ZFHX3: variants seen among roughly 807,000 people sequenced by gnomAD.
ZFHX3 encodes zinc finger homeobox 3, also known as zinc finger homeobox protein 3.
Under a neutral mutation model 279.1 loss-of-function variants are expected in ZFHX3, and 42 were observed. The ratio of observed to expected loss-of-function variants is 0.15; its 90% CI spans 0.12 to 0.19. The LOEUF (loss-of-function observed/expected upper bound fraction) is 0.19. Among genes scored for constraint, ZFHX3 ranks in the 10% least tolerant of loss-of-function variants. The probability of loss-of-function intolerance (pLI) is 1.00; values close to 1 mark genes in which losing one functional copy is unlikely to be tolerated. For synonymous variants in ZFHX3, 2,293 were observed against 1,957.8 expected, an observed-to-expected ratio of 1.17 and a Z score of -4.52; for missense variants, 4,981 against 4,754.0, an observed-to-expected ratio of 1.05 and a Z score of -1.40.
At chr16:73,232,632 CTT>C (rs2012812777) in intron 5 of ZFHX3, 1 of 152,164 alleles carries the variant, frequency 6.6e-6, no homozygotes, top group African/African-American at 2.4e-5. Flanking sequence ...ACGCAATGGA[CTT>C]TGCTCTGGGA....
At chr16:73,388,116 A>G (rs1302471547) in intron 3 of ZFHX3, among the ~76,000 whole-genome samples, 1 of 152,114 alleles carries the variant, frequency 6.6e-6, no homozygotes, top group African/African-American at 2.4e-5. Context: ...TTGAGAAGCA[A>G]TGCGGCAGGC....
intron 8 of ZFHX3, among the ~76,000 whole-genome samples, chr16:73,072,954 T>A (rs1389644958): frequency 6.6e-6 from 1 of 152,106 alleles, no homozygotes; most frequent in African/African-American, 2.4e-5. Flanking sequence ...TGGAGTGCAT[T>A]GGCACAATCT....
chr16:73,118,794 A>C (rs567571039), intron 7 of ZFHX3, among the ~76,000 whole-genome samples: 1 of 152,296 alleles, frequency 6.6e-6, no homozygotes, highest in Admixed American at 6.5e-5. Flanking sequence ...GTATGAGTAC[A>C]TGTTGAGTAG....
chr16:73,891,810 T>TA (rs546700408), exon 1 of ZFHX3: 3 of 149,998 alleles, frequency 2.0e-5, no homozygotes, highest in Non-Finnish European at 4.4e-5. Flanking sequence ...ACTGGGTTTA[T>TA]AAAAAAAATA....
Position 72,959,404 on chromosome 16 carries a change from C to G in ZFHX3, c.742G>C (p.Asp248His), listed in dbSNP as rs1961446285. Reference protein sequence around the residue: ...HKSNKDYLNSDGSAKSSCVSK... With the variant: ...HKSNKDYLNSHGSAKSSCVSK... Reference sequence around the variant, plus strand: ...ACGCAGGAGCTTTTGGCAGAACCGTCGCTGTTCAGGTAATCCTTGTTGCTT... The same window carrying G: ...ACGCAGGAGCTTTTGGCAGAACCGTGGCTGTTCAGGTAATCCTTGTTGCTT... Residue 248 changes from aspartate (D) to histidine (H), a missense_variant, in exon 2 of 10, where the codon GAC becomes CAC. Asp to His is a moderately conservative substitution (Grantham distance 81, BLOSUM62 -1). Transcript: ENST00000268489. 1 of 1,614,216 alleles carries G rather than the reference C, an allele frequency of 6.2e-7. No individual in the cohort carries two copies. The highest frequency in any genetic ancestry group is 2.2e-5 in the East Asian group (1 of 44,868).
At chr16:73,395,894 C>G (rs2017118438) in intron 3 of ZFHX3, among the ~76,000 whole-genome samples, 1 of 152,168 alleles carries the variant, frequency 6.6e-6, no homozygotes, top group Admixed American at 6.5e-5. Context: ...CCCCACACAC[C>G]AGTTGTCCCA....
At chr16:73,308,137 T>TA (rs1365523422) in intron 4 of ZFHX3, among the ~76,000 whole-genome samples, 1 of 150,652 alleles carries the variant, frequency 6.6e-6, no homozygotes, top group Non-Finnish European at 1.5e-5. Flanking sequence ...AGATAAGTAA[T>TA]AAAAAATCTA....
chr16:73,042,976 G>A (rs987306238), intron 1 of ZFHX3, among the ~76,000 whole-genome samples: 8 of 151,950 alleles, frequency 5.3e-5, no homozygotes, highest in East Asian at 3.9e-4. Context: ...TCCCAGCACC[G>A]GCCCATCTTC....
chr16:72,835,458 T>C (rs2037168191), intron 4 of ZFHX3, among the ~76,000 whole-genome samples: 1 of 152,208 alleles, frequency 6.6e-6, no homozygotes, highest in African/African-American at 2.4e-5. Context: ...AGCTCATCTT[T>C]CCTGGAATGA....
chr16:73,621,607 A>G (rs1268134520), intron 2 of ZFHX3, among the ~76,000 whole-genome samples: 1 of 152,202 alleles, frequency 6.6e-6, no homozygotes, highest in East Asian at 1.9e-4. Context: ...GTAACTCACC[A>G]AAGTTTGAAC....
intron 3 of ZFHX3, among the ~76,000 whole-genome samples, chr16:73,338,598 C>T (rs899686150): frequency 2.0e-5 from 3 of 152,114 alleles, no homozygotes; most frequent in Non-Finnish European, 1.5e-5. Flanking sequence ...ATCATGCAAA[C>T]TTGCCAATAT....
In ZFHX3 at chr16:73,781,575, T is replaced by C. The variant is rs549454302; in HGVS notation, c.-1607-101335A>G. Reference sequence around the variant, plus strand: ...AACACAGACTGTGTGGCCTCCAAAGTTAAAAATATTTACTACTGGGTCCTT... The same window carrying C: ...AACACAGACTGTGTGGCCTCCAAAGCTAAAAATATTTACTACTGGGTCCTT... On this transcript the variant is annotated intron_variant, in intron 1 of 17. Transcript: ENST00000641206. Among the ~76,000 whole-genome samples the C allele has an allele frequency of 2.0e-5, 3 of 152,316 alleles. No homozygotes were observed. The East Asian group carries it at 5.8e-4, about 29-fold the overall frequency.
intron 3 of ZFHX3, among the ~76,000 whole-genome samples, chr16:73,323,774 G>A (rs540449992): frequency 2.3e-4 from 35 of 152,226 alleles, no homozygotes; most frequent in Non-Finnish European, 3.8e-4. Flanking sequence ...TGAAGACTCT[G>A]AGAGAGCAAA....
At chr16:73,362,766 C>A (rs1258023714) in intron 3 of ZFHX3, among the ~76,000 whole-genome samples, 1 of 152,180 alleles carries the variant, frequency 6.6e-6, no homozygotes, top group Non-Finnish European at 1.5e-5. Flanking sequence ...ATAATAACAT[C>A]ACTCTAATGT....
At chr16:73,281,026 AGAGGGGAGGGGAGGGGAGGG>A (rs1191275988) in intron 4 of ZFHX3, among the ~76,000 whole-genome samples, 1 of 70,312 alleles carries the variant, frequency 1.4e-5, no homozygotes, top group African/African-American at 5.2e-5. Flanking sequence ...AGAGGAGAGG[AGAGGGGAGGGGAGGGGAGGG>A]GAGGGGAGGG....
intron 4 of ZFHX3, among the ~76,000 whole-genome samples, chr16:73,268,355 A>G (rs2144976809): frequency 6.6e-6 from 1 of 152,334 alleles, no homozygotes; most frequent in South Asian, 2.1e-4. Flanking sequence ...AGAACAGAAC[A>G]GAATGCTGAG....
chr16:73,180,494 C>G (rs1967766590), intron 5 of ZFHX3, among the ~76,000 whole-genome samples: 1 of 152,148 alleles, frequency 6.6e-6, no homozygotes, highest in Admixed American at 6.5e-5. Flanking sequence ...GGGCACGAAG[C>G]CACGCCCATC....
intron 1 of ZFHX3, among the ~76,000 whole-genome samples, chr16:73,798,566 C>G (rs1177691774): frequency 7.0e-6 from 1 of 143,322 alleles, no homozygotes; most frequent in East Asian, 2.0e-4. Context: ...AATCTACACA[C>G]AGGTGCACAC....
rs183636750 is a variant in ZFHX3, at chr16:73,222,869, G to A, written c.-1104+34178C>T. On this transcript the variant is annotated intron_variant, in intron 5 of 17. Transcript: ENST00000641206. ...CAGTAAAGTATTGGGTAAAAAGATA[G>A]ACAAATAGATCACTGGAACAGAATA... 2.0e-3 allele frequency among the ~76,000 whole-genome samples: 297 copies of A among 152,180 alleles called. 7 individuals are homozygous for A. In the South Asian group the frequency reaches 0.038, roughly 19 times the overall value.
Sources: allele counts gnomAD v4.1 joint callset (sites outside exome capture counted in the v4.1 genomes callset), GRCh38; gene constraint gnomAD v4.1.1; transcripts MANE v1.5; gene names NCBI Gene and HGNC (gene_info 2026-07-23, HGNC 2026-07-21).